ETFA: variants seen among roughly 807,000 people sequenced by gnomAD.
ETFA encodes the protein electron transfer flavoprotein subunit alpha, mitochondrial.
A neutral mutation model predicts 46.2 loss-of-function variants in ETFA; 22 were observed. The ratio of observed to expected loss-of-function variants is 0.48; its 90% confidence interval spans 0.34 to 0.68. The LOEUF is 0.68. Among genes scored for constraint, ETFA ranks in the 30% least tolerant of loss-of-function variants. ETFA has a pLI of 0.01. For missense variants in ETFA, 345 were observed against 401.1 expected, an observed-to-expected ratio of 0.86 and a Z score of 1.19; for synonymous variants, 131 against 139.9, an observed-to-expected ratio of 0.94 and a Z score of 0.45.
At chr15:76,284,871 G>A (rs564827204) in intron 7 of ETFA, 66 of 357,100 alleles carry the variant, frequency 1.8e-4, no homozygotes, top group South Asian at 1.1e-3. Flanking sequence ...TGGAGGTGGC[G>A]GTGAGCAGAG....
chr15:76,288,914 C>CT (rs1459392805), intron 4 of ETFA, among the ~76,000 whole-genome samples: 54 of 65,200 alleles, frequency 8.3e-4, no homozygotes, highest in East Asian at 5.6e-3. Context: ...TCTTCTTCTT[C>CT]TTCTTCTTTT....
intron 7 of ETFA, chr15:76,285,004 AC>A: frequency 6.6e-6 from 2 of 302,894 alleles, no homozygotes; most frequent in South Asian, 5.0e-5. Flanking sequence ...TCTCAATGAT[AC>A]TTGCAATAGA....
At position 76,251,078 on chromosome 15, in the gene ETFA, C is replaced by T. The variant is rs534552396; in HGVS notation, c.817-19680G>A. On this transcript the variant is annotated intron_variant, in intron 9 of 11. Transcript: ENST00000557943. ...AGCGAATATAAGCTACATTTTCAAG[C>T]TTAGCCTAGCAAGAGAGGTGAAAGG... is the stretch of plus-strand genomic sequence containing the variant. Among the ~76,000 whole-genome samples, 394 of 152,078 alleles carry T rather than the reference C, an allele frequency of 2.6e-3. 1 individual carries two copies. Among genetic ancestry groups the T allele is most frequent in the African/African-American group, 9.2e-3 (382 of 41,516 alleles).
At chr15:76,307,248 GCCTA>G (rs2039947822) in intron 1 of ETFA, among the ~76,000 whole-genome samples, 1 of 152,228 alleles carries the variant, frequency 6.6e-6, no homozygotes, top group South Asian at 2.1e-4. Context: ...AACTGCAAAT[GCCTA>G]CCTATTTGCC....
At chr15:76,279,641 A>T (rs1021896509) in intron 8 of ETFA, among the ~76,000 whole-genome samples, 5 of 152,088 alleles carry the variant, frequency 3.3e-5, no homozygotes, top group African/African-American at 1.2e-4. Flanking sequence ...GAAACTGCTC[A>T]GTGGCCAACG....
intron 4 of ETFA, among the ~76,000 whole-genome samples, chr15:76,288,920 CTT>C (rs35295593): frequency 9.1e-6 from 1 of 110,118 alleles, no homozygotes; most frequent in African/African-American, 3.4e-5. Context: ...TCTTCTTCTT[CTT>C]TTTTTTTTTT....
At chr15:76,254,991 A>T (rs1054203848) in intron 9 of ETFA, among the ~76,000 whole-genome samples, 5 of 152,190 alleles carry the variant, frequency 3.3e-5, no homozygotes, top group African/African-American at 1.2e-4. Flanking sequence ...ACATTTTTTT[A>T]AACTTTTATT....
intron 1 of ETFA, among the ~76,000 whole-genome samples, chr15:76,300,243 A>G (rs2039866070): frequency 6.6e-6 from 1 of 152,140 alleles, no homozygotes; most frequent in Non-Finnish European, 1.5e-5. Flanking sequence ...TTACATCTGT[A>G]TATCTAAGTG....
intron 9 of ETFA, among the ~76,000 whole-genome samples, chr15:76,266,146 C>T (rs114389933): frequency 1.6e-3 from 244 of 152,330 alleles, no homozygotes; most frequent in African/African-American, 5.6e-3. Flanking sequence ...TGTAATTCAA[C>T]CGATGGGCAA....
chr15:76,311,174 C>T (rs1262255099), intron 1 of ETFA, among the ~76,000 whole-genome samples, 176 bp downstream of exon 1: 3 of 152,362 alleles, frequency 2.0e-5, no homozygotes, highest in Admixed American at 6.5e-5. Context: ...AACTGGCGTT[C>T]CGCAGGGAGT....
At chr15:76,277,705 G>C (rs542712165) in intron 8 of ETFA, among the ~76,000 whole-genome samples, 5 of 152,292 alleles carry the variant, frequency 3.3e-5, no homozygotes, top group African/African-American at 1.2e-4. Flanking sequence ...GTTTCGCCAA[G>C]TTGGCCAGGC....
intron 9 of ETFA, among the ~76,000 whole-genome samples, chr15:76,244,237 A>C (rs1010510978): frequency 6.6e-6 from 1 of 152,246 alleles, no homozygotes; most frequent in African/African-American, 2.4e-5. Context: ...TTCAGACCAA[A>C]GACTTATGAA....
intron 9 of ETFA, among the ~76,000 whole-genome samples, chr15:76,235,560 G>T (rs185962704): frequency 6.6e-6 from 1 of 152,256 alleles, no homozygotes; most frequent in East Asian, 1.9e-4. Flanking sequence ...GCAGCACTGG[G>T]TAACTGATTT....
intron 8 of ETFA, 112 bp downstream of exon 8, chr15:76,283,645 G>C: frequency 1.2e-6 from 1 of 823,908 alleles, no homozygotes; most frequent in Non-Finnish European, 2.0e-6. Context: ...TGAAAAATCC[G>C]GAAAAGTAAA....
At chr15:76,275,447 GTA>G (rs2039581580) in intron 8 of ETFA, among the ~76,000 whole-genome samples, 1 of 152,122 alleles carries the variant, frequency 6.6e-6, no homozygotes, top group Admixed American at 6.5e-5. Context: ...CATCACCATG[GTA>G]TATCTTTCTC....
intron 9 of ETFA, among the ~76,000 whole-genome samples, chr15:76,234,368 A>C (rs2141466940): frequency 6.6e-6 from 1 of 152,196 alleles, no homozygotes; most frequent in South Asian, 2.1e-4. Context: ...TTTGTATTTC[A>C]ATAATAATAA....
chr15:76,280,213 A>C (rs1415553767), intron 8 of ETFA, among the ~76,000 whole-genome samples: 1 of 152,166 alleles, frequency 6.6e-6, no homozygotes, highest in Non-Finnish European at 1.5e-5. Context: ...CAACTGCTTA[A>C]CTGACATGTC....
chr15:76,261,494 C>G (rs2039412762), intron 9 of ETFA: 1 of 774,860 alleles, frequency 1.3e-6, no homozygotes, highest in Non-Finnish European at 2.2e-6. Context: ...TCCTCCATCC[C>G]CTCCATGCTG....
At chr15:76,287,528 T>A (rs1190517946) in intron 5 of ETFA, among the ~76,000 whole-genome samples, 1 of 151,286 alleles carries the variant, frequency 6.6e-6, no homozygotes, top group African/African-American at 2.4e-5. Context: ...GAGAATACTA[T>A]TTTTTTTTAA....
Sources: allele counts gnomAD v4.1 joint callset (sites outside exome capture counted in the v4.1 genomes callset), GRCh38; gene constraint gnomAD v4.1.1; transcripts MANE v1.5; gene names NCBI Gene and HGNC (gene_info 2026-07-23, HGNC 2026-07-21).